OSBPL5: variants seen among roughly 807,000 people sequenced by gnomAD.
OSBPL5 encodes oxysterol binding protein like 5, also known as oxysterol-binding protein-related protein 5.
A neutral mutation model predicts 111.2 loss-of-function variants in OSBPL5; 71 were observed. The ratio of observed to expected loss-of-function variants is 0.64; its 90% CI spans 0.53 to 0.78. The LOEUF (loss-of-function observed/expected upper bound fraction) is 0.78. Ranked by LOEUF, OSBPL5 falls within the 30% of genes least tolerant of loss-of-function variation. The pLI, the probability that OSBPL5 is intolerant of heterozygous loss-of-function variation, is 0.00. For missense variants in OSBPL5, 1,210 were observed against 1,189.3 expected, an observed-to-expected ratio of 1.02 and a Z score of -0.26; for synonymous variants, 549 against 513.9, an observed-to-expected ratio of 1.07 and a Z score of -0.93.
chr11:3,123,778 A>G (rs149908833), intron 3 of OSBPL5, among the ~76,000 whole-genome samples: 5 of 152,302 alleles, frequency 3.3e-5, no homozygotes, highest in Non-Finnish European at 5.9e-5. Flanking sequence ...TGCTGCCTGT[A>G]TTCATCCCCC....
At position 3,154,648 on chromosome 11, in the gene OSBPL5, G is replaced by A. The variant is rs527994903; in HGVS notation, c.-22+10568C>T. The stretch of plus-strand genomic sequence containing the variant: ...TAAAAACAGAACCCACTGACGAGAC[G>A]CCTGGCAGTGCGGGGGCCCCAGGGT... On this transcript the variant is annotated intron_variant, in intron 1 of 21. Coordinates refer to ENST00000263650, the MANE Select transcript of OSBPL5 (RefSeq NM_020896.4). The surrounding 1 kb of genome is among the most constrained non-coding windows in gnomAD (Gnocchi z 4.9). Among the ~76,000 whole-genome samples, 33 of 152,274 alleles carry A rather than the reference G, an allele frequency of 2.2e-4. No individual in the cohort carries two copies. The highest frequency in any genetic ancestry group is 1.0e-3 in the Admixed American group (16 of 15,290).
At position 3,123,785 on chromosome 11, in the gene OSBPL5, C is replaced by T. The variant is rs569147016; in HGVS notation, c.220-1357G>A. Reference sequence around the variant, plus strand: ...TGTTCGGGTGCTGCCTGTATTCATCCCCCTCATTCTCCAGCCATGCATAAG... The same window carrying T: ...TGTTCGGGTGCTGCCTGTATTCATCTCCCTCATTCTCCAGCCATGCATAAG... On this transcript the variant is annotated intron_variant, in intron 3 of 21. Transcript: ENST00000263650. Among the ~76,000 whole-genome samples the T allele has an allele frequency of 5.4e-4, 83 of 152,310 alleles. 1 individual carries two copies. The South Asian group carries it at 0.016, about 30-fold the overall frequency.
At chr11:3,149,569 G>C (rs1040700713) in intron 1 of OSBPL5, among the ~76,000 whole-genome samples, 1 of 152,224 alleles carries the variant, frequency 6.6e-6, no homozygotes, top group Non-Finnish European at 1.5e-5. Context: ...TTATGCGTCA[G>C]GCAGCAGCAG....
intron 10 of OSBPL5, among the ~76,000 whole-genome samples, chr11:3,103,778 TCTGC>T (rs1564830066): frequency 3.4e-4 from 16 of 46,556 alleles, no homozygotes; most frequent in East Asian, 2.1e-3. Context: ...CCTTCCAGCC[TCTGC>T]AGTCCCTTCC....
rs1857109570 is a variant in OSBPL5, at chr11:3,092,812, CCGTCTG to C, written c.2132+49_2132+54del. ...CAGGAGCCCCTGGGCCCTTCTCAGCCCGTCTGCTAGGCCCAGCCCCACCCTGTGGCC... is the reference window on the plus strand; with the variant it reads ...CAGGAGCCCCTGGGCCCTTCTCAGCCCTAGGCCCAGCCCCACCCTGTGGCC... On this transcript the variant is annotated intron_variant, in intron 18 of 21. Transcript: ENST00000263650. The surrounding 1 kb of genome is among the most constrained non-coding windows in gnomAD (Gnocchi z 5.4). The C allele has an allele frequency of 6.8e-7, 1 of 1,473,040 alleles. No individual in the cohort carries two copies. 91.2% of individuals were successfully genotyped at this position (1,473,040 alleles called of 1,614,324 possible). A position where few individuals can be genotyped will look rare whatever the true frequency, so the allele number is the denominator to read the frequency against.
At chr11:3,153,028 G>A (rs905104204) in intron 1 of OSBPL5, among the ~76,000 whole-genome samples, 9 of 152,092 alleles carry the variant, frequency 5.9e-5, no homozygotes, top group African/African-American at 1.9e-4. Context: ...AAGAGGAGGA[G>A]TCTGGGGCCA....
intron 13 of OSBPL5, 77 bp downstream of exon 13, chr11:3,101,526 G>T: frequency 7.4e-7 from 1 of 1,353,306 alleles, no homozygotes; most frequent in Non-Finnish European, 1.0e-6. Flanking sequence ...CCAGATCTTG[G>T]TCCACTGGCT....
At chr11:3,139,591 G>A (rs1846046753) in intron 1 of OSBPL5, among the ~76,000 whole-genome samples, 1 of 152,206 alleles carries the variant, frequency 6.6e-6, no homozygotes, top group Non-Finnish European at 1.5e-5. Context: ...TTTGGGGGCA[G>A]GATGGGGGTG....
At chr11:3,128,656 T>C (rs1858718228) in intron 2 of OSBPL5, among the ~76,000 whole-genome samples, 1 of 152,176 alleles carries the variant, frequency 6.6e-6, no homozygotes, top group Non-Finnish European at 1.5e-5. Flanking sequence ...GTCAAGTAGC[T>C]GGCCTGGGGT....
chr11:3,123,190 C>A (rs1018554960), intron 3 of OSBPL5, among the ~76,000 whole-genome samples: 2 of 152,152 alleles, frequency 1.3e-5, no homozygotes, highest in African/African-American at 2.4e-5. Flanking sequence ...GGCCACGGTT[C>A]TTCTACAGAT....
Position 3,092,345 on chromosome 11 carries a change from A to C in OSBPL5, c.2259+87T>G. On this transcript the variant is annotated intron_variant, in intron 19 of 21. Coordinates refer to ENST00000263650, the MANE Select transcript of OSBPL5 (RefSeq NM_020896.4). The surrounding 1 kb of genome is among the most constrained non-coding windows in gnomAD (Gnocchi z 5.4). ...GCGTGAGGGAAACGGAGCGAGGGGA[A>C]GGGAGGAGTGAGGTGAGGAGCGAGG... 2.1e-6 allele frequency: 3 copies of C among 1,434,266 alleles called. No homozygotes were observed. The highest frequency in any genetic ancestry group is 2.8e-6 in the Non-Finnish European group (3 of 1,083,398). The allele number at this position is 1,434,266 out of a possible 1,614,324, so 88.8% of individuals were successfully genotyped here. A position where few individuals can be genotyped will look rare whatever the true frequency, so the allele number is the denominator to read the frequency against.
chr11:3,103,175 A>T, intron 11 of OSBPL5, 64 bp downstream of exon 11: 2 of 1,445,754 alleles, frequency 1.4e-6, no homozygotes, highest in East Asian at 5.0e-5. Context: ...GTGCCAAGGG[A>T]CGAGGGCTGA....
In OSBPL5 at chr11:3,107,927, G is replaced by A. The variant is rs1356261314; in HGVS notation, c.710C>T (p.Ala237Val). 11 of 1,600,296 alleles carry A rather than the reference G, an allele frequency of 6.9e-6. No homozygotes were observed. The highest frequency in any genetic ancestry group is 1.3e-5 in the African/African-American group (1 of 74,996). Residue 237 changes from alanine (A) to valine (V), a missense_variant, in exon 8 of 22, where the codon GCC (alanine) becomes GTC (valine). Coordinates refer to ENST00000263650, the MANE Select transcript of OSBPL5 (RefSeq NM_020896.4). The surrounding 1 kb of genome is among the most constrained non-coding windows in gnomAD (Gnocchi z 6.1). ...AGAGCAGCGCAGGGCCAGCTCCAGG[G>A]CGTCCAGCCAGCAGCGACCTGCGGG... is the stretch of plus-strand genomic sequence containing the variant. ...SESDGRCWLD[A>V]LELALRCSSL...
rs34351257 is a variant in OSBPL5, at chr11:3,121,061, CT to C, written c.403-438del. Among the ~76,000 whole-genome samples, 224 of 130,322 alleles carry C rather than the reference CT, an allele frequency of 1.7e-3. No individual in the cohort carries two copies. The highest frequency in any genetic ancestry group is 3.9e-3 in the Middle Eastern group (1 of 256). 85.5% of individuals were successfully genotyped at this position (130,322 alleles called of 152,430 possible). A position where few individuals can be genotyped will look rare whatever the true frequency, so the allele number is the denominator to read the frequency against. ...CTTGTAACTGGCAGCTTTGTAGATT[CT>C]TTTTTTTTTTTTTTTTGAGACAGAG... On this transcript the variant is annotated intron_variant, in intron 5 of 21. Coordinates refer to ENST00000263650, the MANE Select transcript of OSBPL5 (RefSeq NM_020896.4). This position sits in a 1 kb window ranked among gnomAD's most constrained non-coding sequence, Gnocchi z 4.3.
rs1857765017 is a variant in OSBPL5 at position 3,107,861 on chromosome 11, C to A, written c.776G>T (p.Gly259Val). The A allele has an allele frequency of 1.2e-6, 2 of 1,609,312 alleles. No individual in the cohort carries two copies. Among genetic ancestry groups the A allele is most frequent in the Non-Finnish European group, 1.7e-6 (2 of 1,179,924 alleles). ...RLGTCKPGRD[G>V]EPGTSPDASP... ...TGCGTCTGGCGAGGTCCCTGGCTCC[C>A]CGTCTCGGCCCGGCTTGCAGGTGCC... The change falls in exon 8 of 22, where the codon GGG (glycine) becomes GTG (valine). Residue 259 changes from glycine to valine, a missense_variant. Coordinates refer to ENST00000263650, the MANE Select transcript of OSBPL5 (RefSeq NM_020896.4). This position sits in a 1 kb window ranked among gnomAD's most constrained non-coding sequence, Gnocchi z 6.1.
At chr11:3,125,937 G>C (rs1858607963) in intron 3 of OSBPL5, among the ~76,000 whole-genome samples, 1 of 152,212 alleles carries the variant, frequency 6.6e-6, no homozygotes, top group South Asian at 2.1e-4. Flanking sequence ...AGCTGAGATT[G>C]TGCCACTGCA....
Position 3,113,730 on chromosome 11 carries a change from T to A in OSBPL5, c.692-5785A>T, listed in dbSNP as rs2134442169. 6.6e-6 allele frequency among the ~76,000 whole-genome samples: 1 copy of A among 152,334 alleles called. No individual in the cohort carries two copies. The highest frequency in any genetic ancestry group is 1.9e-4 in the East Asian group (1 of 5,192). On this transcript the variant is annotated intron_variant, in intron 7 of 21. Transcript: ENST00000263650. The surrounding 1 kb of genome is among the most constrained non-coding windows in gnomAD (Gnocchi z 4.8). ...TTAGTAAGATTACCATAACTTCTAA[T>A]CTGGTGGCTTTAGGTAGTCTAGTCC...
intron 1 of OSBPL5, among the ~76,000 whole-genome samples, chr11:3,139,864 G>A (rs1259170320): frequency 1.3e-5 from 2 of 152,228 alleles, no homozygotes; most frequent in Non-Finnish European, 2.9e-5. Context: ...CCTAGGGTGC[G>A]TTTACTCGCA....
chr11:3,112,389 T>C (rs1010482701), intron 7 of OSBPL5, among the ~76,000 whole-genome samples: 1 of 152,110 alleles, frequency 6.6e-6, no homozygotes, highest in Non-Finnish European at 1.5e-5. Context: ...TTTTTTCTTA[T>C]GAAACCCCAA....
Sources: allele counts gnomAD v4.1 joint callset (sites outside exome capture counted in the v4.1 genomes callset), GRCh38; gene constraint gnomAD v4.1.1; non-coding constraint Gnocchi (gnomAD v3.1); transcripts MANE v1.5; gene names NCBI Gene and HGNC (gene_info 2026-07-23, HGNC 2026-07-21).